RAB9B: variants seen among roughly 807,000 people sequenced by gnomAD.
The protein encoded by RAB9B is ras-related protein Rab-9B.
Under a neutral mutation model 8.9 loss-of-function variants are expected in RAB9B, and 1 was observed. That is an observed-to-expected ratio of 0.11 (90% CI 0.04 to 0.53). The LOEUF is 0.53. RAB9B is among the 20% of genes least tolerant of loss of function. The probability of loss-of-function intolerance (pLI) is 0.93; values close to 1 mark genes in which losing one functional copy is unlikely to be tolerated. For missense variants in RAB9B, 82 were observed against 152.9 expected (o/e 0.54, Z 2.45); for synonymous variants, 63 against 57.0 (o/e 1.10, Z -0.47).
chrX:103,786,373 C>G, the RAB9B span: 2 of 1,065,758 alleles, frequency 1.9e-6, no homozygotes, highest in Non-Finnish European at 2.6e-6. Context: ...TTAAGGTGCT[C>G]GCTCTGGTGT....
the RAB9B span, chrX:103,787,716 G>A: frequency 1.3e-5 from 11 of 836,255 alleles, no homozygotes; most frequent in African/African-American, 1.0e-4. Flanking sequence ...TCTGGCACAC[G>A]CCACTCCAGG....
the RAB9B span, among the ~76,000 whole-genome samples, chrX:103,798,414 G>T: frequency 9.0e-6 from 1 of 111,685 alleles, no homozygotes; most frequent in South Asian, 3.7e-4. Flanking sequence ...TAACATTTTA[G>T]AATACTGAGT....
the RAB9B span, chrX:103,789,500 T>G: frequency 1.5e-6 from 1 of 666,358 alleles, no homozygotes; most frequent in Non-Finnish European, 2.5e-6. Context: ...ATCCTTGAAA[T>G]GCTGGAGGGA....
At chrX:103,801,399 G>A in the RAB9B span, among the ~76,000 whole-genome samples, 423 of 107,136 alleles carry the variant, frequency 3.9e-3, 1 homozygote, top group Non-Finnish European at 6.1e-3. Flanking sequence ...TAAAGACCAC[G>A]GCCTGATGTT....
At chrX:103,790,635 C>A in the RAB9B span, 1 of 1,011,761 alleles carries the variant, frequency 9.9e-7, no homozygotes, top group Non-Finnish European at 1.4e-6. Context: ...AATAGCGAGG[C>A]TCTAACCACA....
chrX:103,777,781 C>A, the RAB9B span, among the ~76,000 whole-genome samples: 3 of 112,476 alleles, frequency 2.7e-5, no homozygotes, highest in Non-Finnish European at 5.6e-5. Context: ...GTGGTAGTTT[C>A]TACTCAGAGT....
At chrX:103,820,955 CACACACACACACACACACACACACACAT>C (rs1386642859), downstream of RAB9B, among the ~76,000 whole-genome samples, 6 of 31,126 alleles carry the variant, frequency 1.9e-4, no homozygotes, top group East Asian at 5.6e-4. Flanking sequence ...GTCTCAAACA[CACACACACACACACACACACACACACAT>C]ACACACACAC....
chrX:103,800,906 A>G, the RAB9B span, among the ~76,000 whole-genome samples: 12 of 112,131 alleles, frequency 1.1e-4, no homozygotes, highest in Non-Finnish European at 2.3e-4. Context: ...TTCAAAGAGT[A>G]TTAGGAAAAT....
intron 1 of RAB9B, among the ~76,000 whole-genome samples, chrX:103,831,307 C>T (rs1234787452): frequency 9.2e-6 from 1 of 108,324 alleles, no homozygotes; most frequent in Non-Finnish European, 1.9e-5. Context: ...CCCTCTGACG[C>T]ACTGGATTCA....
chrX:103,827,452 G>A (rs1452976444), intron 1 of RAB9B, among the ~76,000 whole-genome samples: 1 of 111,183 alleles, frequency 9.0e-6, no homozygotes, highest in East Asian at 2.8e-4. Context: ...ATCCTAAGTC[G>A]GAGATGAAAC....
the RAB9B span, among the ~76,000 whole-genome samples, chrX:103,797,953 C>G: frequency 2.7e-5 from 3 of 111,114 alleles, no homozygotes; most frequent in African/African-American, 9.8e-5. Flanking sequence ...GCCCACATCC[C>G]CCCGCCATGA....
chrX:103,777,073 G>T, the RAB9B span: 14 of 879,755 alleles, frequency 1.6e-5, no homozygotes, highest in Non-Finnish European at 2.3e-5. Context: ...CAACTTTGGG[G>T]TTCGGGGGTT....
chrX:103,787,717 C>T, the RAB9B span: 7 of 850,540 alleles, frequency 8.2e-6, no homozygotes, highest in Non-Finnish European at 1.2e-5. Context: ...CTGGCACACG[C>T]CACTCCAGGA....
chrX:103,794,598 A>G, the RAB9B span, among the ~76,000 whole-genome samples: 1 of 112,283 alleles, frequency 8.9e-6, no homozygotes, highest in African/African-American at 3.2e-5. Context: ...AACAACAACA[A>G]AAAAGATACC....
the RAB9B span, among the ~76,000 whole-genome samples, chrX:103,794,301 A>G: frequency 8.9e-6 from 1 of 111,768 alleles, no homozygotes; most frequent in Non-Finnish European, 1.9e-5. Context: ...GGATACAAAC[A>G]AAACTTCAAT....
chrX:103,776,796 G>T, the RAB9B span: 3 of 446,434 alleles, frequency 6.7e-6, no homozygotes, highest in Non-Finnish European at 1.2e-5. Flanking sequence ...GAGGAGGAAA[G>T]CAGGCCTGTC....
the RAB9B span, among the ~76,000 whole-genome samples, chrX:103,780,426 A>T: frequency 1.3e-5 from 1 of 75,160 alleles, no homozygotes; most frequent in Non-Finnish European, 2.7e-5. Flanking sequence ...TACATCATTC[A>T]TTCTGTCTCT....
the RAB9B span, among the ~76,000 whole-genome samples, chrX:103,784,365 C>T: frequency 0.12 from 13,739 of 111,194 alleles, 851 homozygotes; most frequent in Non-Finnish European, 0.19. Flanking sequence ...AGAATCTCAG[C>T]GTATAACTGA....
chrX:103,797,233 G>A, the RAB9B span, among the ~76,000 whole-genome samples: 2 of 25 alleles, frequency 0.08, no homozygotes, highest in African/African-American at 0.17. Context: ...GACTACAGGC[G>A]ACTGCACCAT....
Sources: allele counts gnomAD v4.1 joint callset (sites outside exome capture counted in the v4.1 genomes callset), GRCh38; gene constraint gnomAD v4.1.1; transcripts MANE v1.5; gene names NCBI Gene and HGNC (gene_info 2026-07-23, HGNC 2026-07-21).